KIF6: variants seen among roughly 807,000 people sequenced by gnomAD.
KIF6 encodes the protein kinesin-like protein KIF6.
Under a neutral mutation model 112.7 loss-of-function variants are expected in KIF6, and 106 were observed. That is an observed-to-expected ratio of 0.94 (90% CI 0.80 to 1.11). The LOEUF (loss-of-function observed/expected upper bound fraction) is 1.11, where lower values mean the gene tolerates loss of function less well. Among genes scored for constraint, KIF6 ranks in the 50% least tolerant of loss-of-function variants. The probability of loss-of-function intolerance (pLI) is 0.00; values close to 1 mark genes in which losing one functional copy is unlikely to be tolerated. For missense variants in KIF6, 929 were observed against 964.0 expected, an observed-to-expected ratio of 0.96 and a Z score of 0.48; for synonymous variants, 339 against 339.9, an observed-to-expected ratio of 1.00 and a Z score of 0.03.
At chr6:39,383,559 G>A (rs1018539728) in intron 16 of KIF6, among the ~76,000 whole-genome samples, 1 of 152,160 alleles carries the variant, frequency 6.6e-6, no homozygotes, top group African/African-American at 2.4e-5. Flanking sequence ...TTTGGTTACT[G>A]TAGCCTTGTA....
intron 11 of KIF6, 27 bp from the exon 12 acceptor site, chr6:39,544,720 C>T (rs992621637): frequency 2.9e-6 from 4 of 1,397,468 alleles, no homozygotes; most frequent in Non-Finnish European, 3.0e-6. Context: ...GAGCTTAGTA[C>T]CCATATCTCT....
At chr6:39,682,312 A>G (rs141085688) in intron 3 of KIF6, among the ~76,000 whole-genome samples, 333 of 152,342 alleles carry the variant, frequency 2.2e-3, no homozygotes, top group Non-Finnish European at 3.9e-3. Context: ...CCCAGGCTAT[A>G]TTGGCATAGA....
intron 6 of KIF6, among the ~76,000 whole-genome samples, chr6:39,606,605 C>G (rs889905185): frequency 3.9e-5 from 6 of 152,088 alleles, no homozygotes; most frequent in Admixed American, 1.3e-4. Flanking sequence ...AAACTTTCCT[C>G]AATATTTCAC....
chr6:39,541,533 T>C (rs1259148423), intron 12 of KIF6, among the ~76,000 whole-genome samples: 2 of 152,222 alleles, frequency 1.3e-5, no homozygotes. Context: ...TCAGTGATAT[T>C]TGTTGGAGCT....
chr6:39,347,016 C>T (rs1763861140), intron 19 of KIF6, among the ~76,000 whole-genome samples: 1 of 152,194 alleles, frequency 6.6e-6, no homozygotes, highest in Non-Finnish European at 1.5e-5. Flanking sequence ...AAACGATGGC[C>T]ACAACTGTCA....
At chr6:39,367,707 C>T (rs1305631318) in intron 16 of KIF6, among the ~76,000 whole-genome samples, 1 of 152,204 alleles carries the variant, frequency 6.6e-6, no homozygotes, top group Non-Finnish European at 1.5e-5. Context: ...TGGACCCCCT[C>T]CTTCCTGACA....
intron 5 of KIF6, among the ~76,000 whole-genome samples, chr6:39,623,923 C>T (rs1049500365): frequency 2.0e-5 from 3 of 152,170 alleles, no homozygotes; most frequent in African/African-American, 4.8e-5. Context: ...TCTCTCAGGC[C>T]AGCTCAGCTC....
intron 15 of KIF6, among the ~76,000 whole-genome samples, chr6:39,392,621 C>T (rs921841919): frequency 1.3e-5 from 2 of 151,992 alleles, no homozygotes; most frequent in Admixed American, 1.3e-4. Flanking sequence ...GTCATTGAAA[C>T]AAATAAAAAG....
chr6:39,612,257 C>T (rs993050397), intron 6 of KIF6, among the ~76,000 whole-genome samples: 1 of 152,166 alleles, frequency 6.6e-6, no homozygotes, highest in Non-Finnish European at 1.5e-5. Context: ...ATGCTTTCAG[C>T]TTACTATGCC....
intron 13 of KIF6, among the ~76,000 whole-genome samples, chr6:39,522,233 G>A (rs1440150898): frequency 6.6e-6 from 1 of 152,176 alleles, no homozygotes; most frequent in Non-Finnish European, 1.5e-5. Flanking sequence ...CTGGCTCCCA[G>A]ATACCGTTTC....
intron 13 of KIF6, among the ~76,000 whole-genome samples, chr6:39,436,059 G>A (rs921829089): frequency 1.3e-5 from 2 of 152,046 alleles, no homozygotes; most frequent in Non-Finnish European, 2.9e-5. Flanking sequence ...GGCCTTTCTG[G>A]CTGGGGTAAG....
intron 13 of KIF6, among the ~76,000 whole-genome samples, chr6:39,534,717 C>G (rs1582072962): frequency 6.6e-6 from 1 of 152,104 alleles, no homozygotes; most frequent in African/African-American, 2.4e-5. Flanking sequence ...GAGAATGCCA[C>G]AAAGATACTC....
At chr6:39,608,014 C>A (rs1582259426) in intron 6 of KIF6, among the ~76,000 whole-genome samples, 1 of 152,278 alleles carries the variant, frequency 6.6e-6, no homozygotes, top group East Asian at 1.9e-4. Context: ...TCCTTCCTTC[C>A]TGCCCTATCC....
At chr6:39,611,870 A>C (rs914217723) in intron 6 of KIF6, among the ~76,000 whole-genome samples, 1 of 152,216 alleles carries the variant, frequency 6.6e-6, no homozygotes, top group Non-Finnish European at 1.5e-5. Context: ...ACAAAGATCA[A>C]ATGGGCAAAA....
rs1214374747 is a variant in KIF6, at chr6:39,419,933, A to C, written c.1810+15T>G. 1 of 1,606,880 alleles carries C rather than the reference A, an allele frequency of 6.2e-7. No homozygotes were observed. Among genetic ancestry groups the C allele is most frequent in the Non-Finnish European group, 8.5e-7 (1 of 1,173,328 alleles). On this transcript the variant is annotated intron_variant, in intron 15 of 22. Transcript: ENST00000287152. ...ATGGTTTCTGAAAGAGGCTCACAGA[A>C]TATCATCTGCTTACCAATTTTACTT...
chr6:39,358,855 A>G (rs1764913278), intron 18 of KIF6, among the ~76,000 whole-genome samples: 1 of 152,214 alleles, frequency 6.6e-6, no homozygotes, highest in African/African-American at 2.4e-5. Flanking sequence ...ATCACCTGAC[A>G]GTTGGTGTAG....
intron 10 of KIF6, among the ~76,000 whole-genome samples, chr6:39,558,438 T>C (rs2150591388): frequency 6.6e-6 from 1 of 152,260 alleles, no homozygotes; most frequent in Non-Finnish European, 1.5e-5. Context: ...GTAATCAGAA[T>C]AAACATTTGT....
intron 16 of KIF6, among the ~76,000 whole-genome samples, chr6:39,375,445 T>C (rs1766366997): frequency 6.6e-6 from 1 of 152,204 alleles, no homozygotes; most frequent in Non-Finnish European, 1.5e-5. Context: ...AACATCACAA[T>C]GTACCCCCAA....
Position 39,346,132 on chromosome 6 carries a change from C to CCTCTCTCTCTCCCT in KIF6, c.2231+343_2232-343insAGGGAGAGAGAGAG, listed in dbSNP as rs1763769865. Among the ~76,000 whole-genome samples, 26 of 26,928 alleles carry CCTCTCTCTCTCCCT rather than the reference C, an allele frequency of 9.7e-4. 2 individuals are homozygous for CCTCTCTCTCTCCCT. The highest frequency in any genetic ancestry group is 2.5e-3 in the African/African-American group (17 of 6,754). The allele number at this position is 26,928 out of a possible 152,430, so 17.7% of individuals were successfully genotyped here. ...CTCCCTCTCCCTCTCCCTCCCTCTC[C>CCTCTCTCTCTCCCT]CTCTCTCTCTCTCTCTCTCTCTCTC... is the stretch of plus-strand genomic sequence containing the variant. On this transcript the variant is annotated intron_variant, in intron 20 of 22. Coordinates refer to ENST00000287152, the MANE Select transcript of KIF6 (RefSeq NM_145027.6).
Sources: gnomAD v4.1 joint callset for allele counts (sites outside exome capture counted in the v4.1 genomes callset) on GRCh38, gnomAD v4.1.1 for gene constraint, MANE v1.5 for transcripts, NCBI Gene and HGNC (gene_info 2026-07-23, HGNC 2026-07-21) for gene names.